Variants in GPC5 observed in about 807,000 individuals in gnomAD.
The protein encoded by GPC5 is glypican-5.
GPC5 carries 47 observed loss-of-function variants against 53.9 expected under a neutral mutation model. That is an observed-to-expected ratio of 0.87 (90% confidence interval 0.69 to 1.11). The LOEUF (loss-of-function observed/expected upper bound fraction) is 1.11. Ranked by LOEUF, GPC5 falls within the 50% of genes most tolerant of loss-of-function variation. GPC5 has a pLI of 0.00. For synonymous variants in GPC5, 286 were observed against 263.3 expected (o/e 1.09, Z -0.84); for missense variants, 748 against 713.1 (o/e 1.05, Z -0.56).
intron 6 of GPC5, among the ~76,000 whole-genome samples, chr13:92,028,228 A>G (rs1285815247): frequency 6.6e-6 from 1 of 152,118 alleles, no homozygotes; most frequent in Non-Finnish European, 1.5e-5. Context: ...ATAAAAACGA[A>G]CTTCTTATGA....
chr13:91,996,950 A>T (rs1170730628), intron 6 of GPC5, among the ~76,000 whole-genome samples: 1 of 152,068 alleles, frequency 6.6e-6, no homozygotes, highest in Non-Finnish European at 1.5e-5. Context: ...TCTATTAATT[A>T]TATTAGTATA....
At chr13:92,541,799 C>G (rs1262875524) in intron 7 of GPC5, among the ~76,000 whole-genome samples, 3 of 151,814 alleles carry the variant, frequency 2.0e-5, no homozygotes, top group Non-Finnish European at 4.4e-5. Context: ...ATTTTTGTGT[C>G]ATGTAAATTA....
intron 4 of GPC5, among the ~76,000 whole-genome samples, chr13:91,743,049 C>T (rs1438939766): frequency 3.3e-5 from 5 of 152,094 alleles, no homozygotes; most frequent in African/African-American, 1.2e-4. Flanking sequence ...GCCTATCTCA[C>T]TTATATGGCT....
chr13:92,669,051 C>T (rs1886662715), intron 7 of GPC5, among the ~76,000 whole-genome samples: 1 of 152,050 alleles, frequency 6.6e-6, no homozygotes, highest in South Asian at 2.1e-4. Context: ...AATAATACTA[C>T]TATAATTTGA....
intron 7 of GPC5, among the ~76,000 whole-genome samples, chr13:92,840,033 A>G (rs1303305031): frequency 6.9e-6 from 1 of 145,514 alleles, no homozygotes; most frequent in Non-Finnish European, 1.5e-5. Flanking sequence ...TTTTTTACTT[A>G]TATATCCAAG....
At position 92,270,067 on chromosome 13, in the gene GPC5, G is replaced by A. The variant is rs1042573860; in HGVS notation, c.1561+125078G>A. ...TCAGGGAAGGGTAAGGAGGGTGGTGGGGAAGGGGAGGCTCCCACATGTCCT... is the reference window on the plus strand; with the variant it reads ...TCAGGGAAGGGTAAGGAGGGTGGTGAGGAAGGGGAGGCTCCCACATGTCCT... On this transcript the variant is annotated intron_variant, in intron 7 of 7. Transcript: ENST00000377067. 2.6e-5 allele frequency among the ~76,000 whole-genome samples: 4 copies of A among 152,122 alleles called. No individual in the cohort carries two copies. The East Asian group carries it at 5.8e-4, about 22-fold the overall frequency.
At chr13:92,469,276 T>C (rs1878819972) in intron 7 of GPC5, among the ~76,000 whole-genome samples, 1 of 152,098 alleles carries the variant, frequency 6.6e-6, no homozygotes, top group South Asian at 2.1e-4. Context: ...TGGTGCGATC[T>C]CAGCTCACTG....
intron 2 of GPC5, among the ~76,000 whole-genome samples, chr13:91,672,671 T>C (rs2035277712): frequency 6.6e-6 from 1 of 152,206 alleles, no homozygotes; most frequent in South Asian, 2.1e-4. Flanking sequence ...GAAGACAGTG[T>C]GGCGATTTCT....
chr13:92,613,407 TTA>T (rs1491338339), intron 7 of GPC5, among the ~76,000 whole-genome samples: 1 of 74,118 alleles, frequency 1.3e-5, no homozygotes, highest in Non-Finnish European at 2.3e-5. Flanking sequence ...ATATATTATA[TTA>T]TATATAAATA....
chr13:91,664,015 A>AT (rs891840076), intron 2 of GPC5, among the ~76,000 whole-genome samples: 7 of 152,074 alleles, frequency 4.6e-5, no homozygotes, highest in African/African-American at 1.7e-4. Context: ...TTCCAGATAT[A>AT]TTTTTTGTGC....
In GPC5 at chr13:92,544,426, T is replaced by G. The variant is rs148184162; in HGVS notation, c.1562-321856T>G. On this transcript the variant is annotated intron_variant, in intron 7 of 7. Transcript: ENST00000377067. ...CATTGCTCAAAGGAGTATTTAAATA[T>G]GCCCTCTTGCGAGAATAGACCTGGA... is the stretch of plus-strand genomic sequence containing the variant. 2.0e-3 allele frequency among the ~76,000 whole-genome samples: 298 copies of G among 152,332 alleles called. 1 individual carries two copies. Among genetic ancestry groups the G allele is most frequent in the African/African-American group, 6.7e-3 (280 of 41,582 alleles).
At chr13:92,403,162 C>T (rs1419494901) in intron 7 of GPC5, among the ~76,000 whole-genome samples, 2 of 152,102 alleles carry the variant, frequency 1.3e-5, no homozygotes, top group Admixed American at 6.5e-5. Context: ...AAGTTTAAGA[C>T]AAGATGCCGA....
rs551136159 is a variant in GPC5 at position 91,488,923 on chromosome 13, G to T, written c.325+40001G>T. On this transcript the variant is annotated intron_variant, in intron 2 of 7. Coordinates refer to ENST00000377067, the MANE Select transcript of GPC5 (RefSeq NM_004466.6). Reference sequence around the variant, plus strand: ...GAATGTGTCCCTGAGGGGAGGCCTCGAAAATGGCCGCTTTGGGGGCGGCTG... The same window carrying T: ...GAATGTGTCCCTGAGGGGAGGCCTCTAAAATGGCCGCTTTGGGGGCGGCTG... 1.0e-3 allele frequency among the ~76,000 whole-genome samples: 153 copies of T among 152,284 alleles called. 1 individual carries two copies. Among genetic ancestry groups the T allele is most frequent in the African/African-American group, 3.5e-3 (144 of 41,560 alleles).
In GPC5 at chr13:92,556,150, G is replaced by C. The variant is rs545094962; in HGVS notation, c.1562-310132G>C. Among the ~76,000 whole-genome samples, 8 of 151,764 alleles carry C rather than the reference G, an allele frequency of 5.3e-5. No homozygotes were observed. The East Asian group carries it at 1.6e-3, about 30-fold the overall frequency. ...TTCTGTTTTGTTTTTGTTTTGTAATGGTGGTAAAATATCTCCTGCTTTTGC... is the reference window on the plus strand; with the variant it reads ...TTCTGTTTTGTTTTTGTTTTGTAATCGTGGTAAAATATCTCCTGCTTTTGC... On this transcript the variant is annotated intron_variant, in intron 7 of 7. Coordinates refer to ENST00000377067, the MANE Select transcript of GPC5 (RefSeq NM_004466.6).
intron 7 of GPC5, among the ~76,000 whole-genome samples, chr13:92,719,323 T>C (rs1363555291): frequency 6.6e-6 from 1 of 152,208 alleles, no homozygotes; most frequent in East Asian, 1.9e-4. Context: ...TATTTAACCA[T>C]GTAATAAGAC....
intron 7 of GPC5, among the ~76,000 whole-genome samples, chr13:92,382,538 T>C (rs1434031078): frequency 7.6e-6 from 1 of 131,620 alleles, no homozygotes; most frequent in Non-Finnish European, 1.6e-5. Context: ...TAAATTTAAA[T>C]AAATTTATTT....
At position 92,023,774 on chromosome 13, in the gene GPC5, A is replaced by G. The variant is rs2040779000; in HGVS notation, c.1401+115717A>G. On this transcript the variant is annotated intron_variant, in intron 6 of 7. Coordinates refer to ENST00000377067, the MANE Select transcript of GPC5 (RefSeq NM_004466.6). ...ATATTTTTGTATTGATCTATTTAGTATCCTCAAACCATTTTAGTCAGTCTT... is the reference window on the plus strand; with the variant it reads ...ATATTTTTGTATTGATCTATTTAGTGTCCTCAAACCATTTTAGTCAGTCTT... Among the ~76,000 whole-genome samples, 3 of 151,936 alleles carry G rather than the reference A, an allele frequency of 2.0e-5. No individual in the cohort carries two copies. The South Asian group carries it at 6.2e-4, about 32-fold the overall frequency.
intron 1 of GPC5, among the ~76,000 whole-genome samples, chr13:91,435,151 T>C (rs547712694): frequency 1.4e-4 from 21 of 152,214 alleles, no homozygotes; most frequent in East Asian, 1.2e-3. Context: ...AATTTGACTT[T>C]CTGTTTTCCT....
intron 7 of GPC5, among the ~76,000 whole-genome samples, chr13:92,294,451 T>C (rs1258013891): frequency 3.3e-5 from 5 of 152,218 alleles, no homozygotes; most frequent in Non-Finnish European, 7.3e-5. Context: ...TCCAGGAATT[T>C]ATCCATCTCT....
Sources: gnomAD v4.1 joint callset for allele counts (sites outside exome capture counted in the v4.1 genomes callset) on GRCh38, gnomAD v4.1.1 for gene constraint, MANE v1.5 for transcripts, NCBI Gene and HGNC (gene_info 2026-07-23, HGNC 2026-07-21) for gene names.